OR2L13: variants seen among roughly 807,000 people sequenced by gnomAD.
OR2L13 encodes olfactory receptor 2L13.
OR2L13 carries 14 observed loss-of-function variants against 15.3 expected under a neutral mutation model. The observed-to-expected ratio is 0.91, with a 90% confidence interval of 0.60 to 1.43. The LOEUF (loss-of-function observed/expected upper bound fraction) is 1.43, where lower values mean the gene tolerates loss of function less well. Ranked by LOEUF, OR2L13 falls within the 40% of genes most tolerant of loss-of-function variation. The probability of loss-of-function intolerance (pLI) is 0.00; values close to 1 mark genes in which losing one functional copy is unlikely to be tolerated. For missense variants in OR2L13, 367 were observed against 387.9 expected (o/e 0.95, Z 0.45); for synonymous variants, 152 against 142.9 (o/e 1.06, Z -0.45).
the OR2L13 span, among the ~76,000 whole-genome samples, chr1:248,085,124 C>T: frequency 6.6e-6 from 1 of 152,022 alleles, no homozygotes; most frequent in African/African-American, 2.4e-5. Context: ...ATAGTGTATG[C>T]ACTCCCCTTA....
the OR2L13 span, among the ~76,000 whole-genome samples, chr1:248,044,791 CAG>C: frequency 1.6e-5 from 1 of 62,468 alleles, no homozygotes; most frequent in Non-Finnish European, 2.3e-5. Flanking sequence ...ACCTGGGCGA[CAG>C]AGCGAAACTC....
chr1:248,021,933 T>G, the OR2L13 span: 1 of 1,596,832 alleles, frequency 6.3e-7, no homozygotes, highest in East Asian at 2.2e-5. Flanking sequence ...TCAGGAAGGA[T>G]CGTATGAATG....
At chr1:247,942,494 A>G in the OR2L13 span, among the ~76,000 whole-genome samples, 1 of 152,088 alleles carries the variant, frequency 6.6e-6, no homozygotes. Context: ...AGTAATATAA[A>G]TTATATAATA....
the OR2L13 span, chr1:248,022,219 TC>T: frequency 6.2e-7 from 1 of 1,614,168 alleles, no homozygotes; most frequent in South Asian, 1.1e-5. Flanking sequence ...AACAAGTCTA[TC>T]TCCTTCATTG....
the OR2L13 span, among the ~76,000 whole-genome samples, chr1:248,049,965 A>G: frequency 6.6e-6 from 1 of 152,156 alleles, no homozygotes; most frequent in Non-Finnish European, 1.5e-5. Flanking sequence ...TTTACTGAAA[A>G]TCTCTGAATC....
At chr1:248,009,579 A>G in the OR2L13 span, among the ~76,000 whole-genome samples, 1 of 152,186 alleles carries the variant, frequency 6.6e-6, no homozygotes, top group African/African-American at 2.4e-5. Context: ...TTCACAGCCG[A>G]ATTCTACCAA....
chr1:248,013,670 A>G, the OR2L13 span: 1 of 152,192 alleles, frequency 6.6e-6, no homozygotes, highest in African/African-American at 2.4e-5. Context: ...CTTTGTTCAT[A>G]TGATGACTAT....
the OR2L13 span, among the ~76,000 whole-genome samples, chr1:247,955,282 CT>C: frequency 8.6e-5 from 13 of 152,030 alleles, no homozygotes; most frequent in Non-Finnish European, 1.3e-4. Flanking sequence ...ATGAACTCAT[CT>C]TTTTTTATGG....
the OR2L13 span, chr1:248,039,153 G>A: frequency 1.2e-6 from 2 of 1,613,614 alleles, no homozygotes; most frequent in East Asian, 4.5e-5. Flanking sequence ...AAACAAGGAG[G>A]TGATGGGGGC....
chr1:248,071,310 G>T, the OR2L13 span, among the ~76,000 whole-genome samples: 1 of 152,070 alleles, frequency 6.6e-6, no homozygotes, highest in African/African-American at 2.4e-5. Context: ...TGGGATGCAA[G>T]GCTGCTTCAA....
At chr1:247,968,096 C>T in the OR2L13 span, among the ~76,000 whole-genome samples, 3 of 152,022 alleles carry the variant, frequency 2.0e-5, no homozygotes, top group African/African-American at 7.2e-5. Context: ...GTGTAAAAAG[C>T]ATATATGTGG....
At chr1:248,036,384 A>G in the OR2L13 span, among the ~76,000 whole-genome samples, 2 of 152,108 alleles carry the variant, frequency 1.3e-5, no homozygotes, top group East Asian at 3.8e-4. Flanking sequence ...AATGATATTT[A>G]TTTGGTGGAT....
chr1:247,968,949 A>G, the OR2L13 span, among the ~76,000 whole-genome samples: 1 of 152,182 alleles, frequency 6.6e-6, no homozygotes, highest in South Asian at 2.1e-4. Context: ...GAACTAATTT[A>G]CACTTCCATC....
upstream of OR2L13, among the ~76,000 whole-genome samples, chr1:248,094,503 TAGTA>T (rs1664673393): frequency 6.6e-6 from 1 of 152,180 alleles, no homozygotes; most frequent in Non-Finnish European, 1.5e-5. Context: ...TTGTAAAGAT[TAGTA>T]ACAGGCTGAA....
chr1:248,054,907 C>T, the OR2L13 span, among the ~76,000 whole-genome samples: 1,815 of 152,268 alleles, frequency 0.012, 29 homozygotes, highest in African/African-American at 0.041. Flanking sequence ...GACTTCCTTT[C>T]TTCCTATTTG....
the OR2L13 span, among the ~76,000 whole-genome samples, chr1:247,981,579 TAACAACCATG>T: frequency 6.6e-6 from 1 of 152,198 alleles, no homozygotes; most frequent in Non-Finnish European, 1.5e-5. Flanking sequence ...ATATCTGCTT[TAACAACCATG>T]CAGAGTTTTT....
At chr1:248,021,981 A>G in the OR2L13 span, 12 of 1,613,602 alleles carry the variant, frequency 7.4e-6, no homozygotes, top group African/African-American at 1.3e-4. Context: ...AACTGATTTC[A>G]TCTTATTGGG....
the OR2L13 span, among the ~76,000 whole-genome samples, chr1:247,993,207 C>A: frequency 6.6e-6 from 1 of 152,010 alleles, no homozygotes; most frequent in African/African-American, 2.4e-5. Context: ...CATGTAACTT[C>A]TGCATTTTTA....
the OR2L13 span, among the ~76,000 whole-genome samples, chr1:248,020,898 A>C: frequency 6.6e-6 from 1 of 151,416 alleles, no homozygotes; most frequent in South Asian, 2.1e-4. Context: ...TATGGGACCA[A>C]CATGGCACAT....
Sources: gnomAD v4.1 joint callset for allele counts (sites outside exome capture counted in the v4.1 genomes callset) on GRCh38, gnomAD v4.1.1 for gene constraint, MANE v1.5 for transcripts, NCBI Gene and HGNC (gene_info 2026-07-23, HGNC 2026-07-21) for gene names.